The following CAMKMT variants were observed in gnomAD, a reference collection of about 807,000 sequenced individuals.
CAMKMT encodes the protein CaM KMT.
In CAMKMT, 53 loss-of-function variants were observed where a neutral mutation model predicts 48.0. The ratio of observed to expected loss-of-function variants is 1.10; its 90% CI spans 0.89 to 1.39. The LOEUF (loss-of-function observed/expected upper bound fraction) is 1.39. CAMKMT is among the 40% of genes most tolerant of loss of function. The probability of loss-of-function intolerance (pLI) is 0.00; values close to 1 mark genes in which losing one functional copy is unlikely to be tolerated. For missense variants in CAMKMT, 428 were observed against 402.7 expected (o/e 1.06, Z -0.54); for synonymous variants, 165 against 152.3 (o/e 1.08, Z -0.61).
chr2:44,580,040 G>A (rs1669462357), intron 3 of CAMKMT, among the ~76,000 whole-genome samples: 1 of 152,076 alleles, frequency 6.6e-6, no homozygotes, highest in Non-Finnish European at 1.5e-5. Flanking sequence ...TTAAGAATTT[G>A]TGTGCTTCAG....
Position 44,618,465 on chromosome 2 carries a change from T to C in CAMKMT, c.377-85818T>C, listed in dbSNP as rs997459608. On this transcript the variant is annotated intron_variant, in intron 3 of 10. Transcript: ENST00000378494. The surrounding 1 kb of genome is among the most constrained non-coding windows in gnomAD (Gnocchi z 4.0). ...ACAAGAAGGGTGGCACTTGGGGACC[T>C]TTTTGCTTTAGGTCGAAGGCTTTTC... 6.6e-6 allele frequency among the ~76,000 whole-genome samples: 1 copy of C among 152,200 alleles called. No homozygotes were observed. The highest frequency in any genetic ancestry group is 2.4e-5 in the African/African-American group (1 of 41,436).
At chr2:44,683,822 C>CAAAA (rs10644183) in intron 3 of CAMKMT, among the ~76,000 whole-genome samples, 1,224 of 70,736 alleles carry the variant, frequency 0.017, 101 homozygotes, top group African/African-American at 0.023. Flanking sequence ...GACTCTGTCT[C>CAAAA]AAAAAAAAAA....
intron 3 of CAMKMT, among the ~76,000 whole-genome samples, chr2:44,621,239 C>A (rs1007826250): frequency 7.9e-6 from 1 of 127,332 alleles, no homozygotes; most frequent in African/African-American, 3.0e-5. Context: ...TGCACTCCAG[C>A]CTGGGCGACA....
intron 3 of CAMKMT, among the ~76,000 whole-genome samples, chr2:44,568,808 G>C (rs1281206896): frequency 1.3e-5 from 2 of 152,176 alleles, no homozygotes; most frequent in African/African-American, 4.8e-5. Flanking sequence ...ACTAAGGTTA[G>C]AATAGGGTGT....
intron 3 of CAMKMT, among the ~76,000 whole-genome samples, chr2:44,445,438 G>A (rs1041148519): frequency 2.0e-5 from 3 of 151,938 alleles, no homozygotes; most frequent in East Asian, 1.9e-4. Flanking sequence ...AATGCATCCC[G>A]AACCCCTGGG....
intron 10 of CAMKMT, among the ~76,000 whole-genome samples, chr2:44,768,346 T>G (rs1680935209): frequency 1.1e-5 from 1 of 89,668 alleles, no homozygotes. Flanking sequence ...GCCCATGATA[T>G]ATATATATAT....
chr2:44,438,492 T>C (rs1666423506), intron 3 of CAMKMT, among the ~76,000 whole-genome samples: 1 of 152,222 alleles, frequency 6.6e-6, no homozygotes, highest in Non-Finnish European at 1.5e-5. Flanking sequence ...TAAAGAGTAG[T>C]CCTCAACAAC....
At chr2:44,444,273 A>C (rs1171108764) in intron 3 of CAMKMT, among the ~76,000 whole-genome samples, 1 of 152,232 alleles carries the variant, frequency 6.6e-6, no homozygotes, top group Non-Finnish European at 1.5e-5. Context: ...AGGCGACAGA[A>C]ATGAAATCCA....
intron 2 of CAMKMT, among the ~76,000 whole-genome samples, chr2:44,384,356 G>A (rs532734183): frequency 6.6e-5 from 10 of 151,896 alleles, no homozygotes; most frequent in South Asian, 2.1e-4. Context: ...GTTTGAGTTC[G>A]TTGTGGATTC....
rs187301118 is a variant in CAMKMT at position 44,400,439 on chromosome 2, C to T, written c.376+10134C>T. Reference sequence around the variant, plus strand: ...GCAGGGTCTTTATTTTGCCTTGGCACTCACCACTCTACCCATGGACATTCA... The same window carrying T: ...GCAGGGTCTTTATTTTGCCTTGGCATTCACCACTCTACCCATGGACATTCA... On this transcript the variant is annotated intron_variant, in intron 3 of 10. Coordinates refer to ENST00000378494, the MANE Select transcript of CAMKMT (RefSeq NM_024766.5). 1.4e-3 allele frequency among the ~76,000 whole-genome samples: 214 copies of T among 152,208 alleles called. No individual in the cohort carries two copies. In the Middle Eastern group the frequency reaches 0.017, roughly 12 times the overall value.
At chr2:44,454,787 AATTGT>A (rs570860196) in intron 3 of CAMKMT, among the ~76,000 whole-genome samples, 1 of 152,176 alleles carries the variant, frequency 6.6e-6, no homozygotes, top group Admixed American at 6.6e-5. Flanking sequence ...TACTCTTTAG[AATTGT>A]ATTGTATCAG....
At chr2:44,690,975 C>CAA (rs554751267) in intron 3 of CAMKMT, among the ~76,000 whole-genome samples, 5 of 147,350 alleles carry the variant, frequency 3.4e-5, no homozygotes, top group African/African-American at 1.2e-4. Context: ...GACTCCATCT[C>CAA]AAAAAAAAAA....
chr2:44,548,425 T>A (rs1330112808), intron 3 of CAMKMT, among the ~76,000 whole-genome samples: 4 of 152,174 alleles, frequency 2.6e-5, no homozygotes, highest in African/African-American at 4.8e-5. Context: ...CAAGCCCTGA[T>A]AACAGGTGTC....
intron 3 of CAMKMT, chr2:44,393,629 T>C (rs569113155): frequency 2.0e-5 from 3 of 152,316 alleles, no homozygotes; most frequent in African/African-American, 7.2e-5. Flanking sequence ...TATTGATTCA[T>C]TGTGCCCAGA....
intron 3 of CAMKMT, chr2:44,401,036 C>A (rs1682334115): frequency 1.3e-5 from 2 of 149,980 alleles, no homozygotes; most frequent in Non-Finnish European, 3.0e-5. Context: ...ACAGAAAGAG[C>A]AATCTCCACA....
chr2:44,758,860 A>G (rs1680492410), intron 9 of CAMKMT, among the ~76,000 whole-genome samples: 1 of 152,216 alleles, frequency 6.6e-6, no homozygotes, highest in Non-Finnish European at 1.5e-5. Flanking sequence ...GGTATCTACT[A>G]ATATTCCTCT....
At chr2:44,625,246 G>C (rs1572943660) in intron 3 of CAMKMT, among the ~76,000 whole-genome samples, 1 of 152,098 alleles carries the variant, frequency 6.6e-6, no homozygotes, top group African/African-American at 2.4e-5. Context: ...CCTAATGATT[G>C]CTGATGTTGA....
chr2:44,672,990 T>A (rs2104135598), intron 3 of CAMKMT, among the ~76,000 whole-genome samples: 1 of 152,308 alleles, frequency 6.6e-6, no homozygotes, highest in East Asian at 1.9e-4. Context: ...CTTTAGACAC[T>A]GGAATAGCAC....
chr2:44,659,627 A>G (rs2104076757), intron 3 of CAMKMT, among the ~76,000 whole-genome samples: 1 of 152,206 alleles, frequency 6.6e-6, no homozygotes, highest in East Asian at 1.9e-4. Context: ...ACGAAATAAT[A>G]AAGTTCCATT....
Sources: gnomAD v4.1 joint callset for allele counts (sites outside exome capture counted in the v4.1 genomes callset) on GRCh38, gnomAD v4.1.1 for gene constraint, Gnocchi (gnomAD v3.1) non-coding constraint, MANE v1.5 for transcripts, NCBI Gene and HGNC (gene_info 2026-07-23, HGNC 2026-07-21) for gene names.